The following GLIS3 variants were observed in gnomAD, a reference collection of about 807,000 sequenced individuals.
GLIS3 encodes GLIS family zinc finger 3, also known as zinc finger protein GLIS3.
GLIS3 carries 53 observed loss-of-function variants against 78.6 expected under a neutral mutation model. That is an observed-to-expected ratio of 0.67 (90% CI 0.54 to 0.85). The LOEUF is 0.85. GLIS3 is among the 40% of genes least tolerant of loss of function. The pLI is 0.00. For synonymous variants in GLIS3, 684 were observed against 509.9 expected, an observed-to-expected ratio of 1.34 and a Z score of -4.60; for missense variants, 1,703 against 1,231.1, an observed-to-expected ratio of 1.38 and a Z score of -5.74.
At chr9:4,197,013 C>G (rs1411104897) in intron 2 of GLIS3, among the ~76,000 whole-genome samples, 1 of 152,206 alleles carries the variant, frequency 6.6e-6, no homozygotes, top group East Asian at 1.9e-4. Context: ...CCACCTTTCA[C>G]GGACATAGAT....
intron 2 of GLIS3, among the ~76,000 whole-genome samples, chr9:4,238,823 G>A (rs1336379536): frequency 1.3e-5 from 2 of 151,970 alleles, no homozygotes; most frequent in Non-Finnish European, 2.9e-5. Context: ...CTTTCCCTGG[G>A]GTTAAGACTT....
At chr9:4,138,452 G>A (rs932553140) in intron 2 of GLIS3, among the ~76,000 whole-genome samples, 2 of 152,194 alleles carry the variant, frequency 1.3e-5, no homozygotes, top group Admixed American at 6.5e-5. Flanking sequence ...GAGCTCAAAT[G>A]AGGAAAAGAT....
intron 4 of GLIS3, among the ~76,000 whole-genome samples, chr9:4,101,428 G>C (rs570183335): frequency 6.6e-6 from 1 of 152,062 alleles, no homozygotes; most frequent in East Asian, 1.9e-4. Flanking sequence ...GAGCATAGTG[G>C]GATATTTATT....
chr9:4,080,260 T>C (rs1368312344), intron 4 of GLIS3, among the ~76,000 whole-genome samples: 3 of 152,216 alleles, frequency 2.0e-5, no homozygotes, highest in South Asian at 4.1e-4. Context: ...GCACCCACCA[T>C]GTCTCAGGTA....
chr9:4,385,721 GAGAAAGAAAGAAAGAAAA>G, the GLIS3 span, among the ~76,000 whole-genome samples: 1 of 49,390 alleles, frequency 2.0e-5, no homozygotes, highest in Non-Finnish European at 4.0e-5. Flanking sequence ...GAGAGAGAGA[GAGAAAGAAAGAAAGAAAA>G]AGAAAGAAAG....
intron 2 of GLIS3, among the ~76,000 whole-genome samples, chr9:4,171,361 C>G (rs1433657499): frequency 6.6e-6 from 1 of 152,106 alleles, no homozygotes; most frequent in East Asian, 1.9e-4. Context: ...GTAGATACTG[C>G]TTAGAGAGAG....
chr9:4,347,173 G>A (rs1209226318), exon 2 of GLIS3: 2 of 152,368 alleles, frequency 1.3e-5, no homozygotes, highest in Non-Finnish European at 2.9e-5. Context: ...AGAAGGTAAA[G>A]AGAAGCAGGC....
chr9:3,828,647 A>T (rs1196093722), intron 10 of GLIS3, among the ~76,000 whole-genome samples: 1 of 152,220 alleles, frequency 6.6e-6, no homozygotes, highest in African/African-American at 2.4e-5. Flanking sequence ...AAGTAAAAGA[A>T]AAGTGTTCTA....
chr9:3,996,183 G>A (rs1820733687), intron 4 of GLIS3, among the ~76,000 whole-genome samples: 1 of 151,980 alleles, frequency 6.6e-6, no homozygotes, highest in Non-Finnish European at 1.5e-5. Flanking sequence ...TCAAGAGCAA[G>A]AATGAAATAA....
the GLIS3 span, among the ~76,000 whole-genome samples, chr9:4,457,171 G>A: frequency 6.6e-6 from 1 of 151,890 alleles, no homozygotes; most frequent in South Asian, 2.1e-4. Flanking sequence ...GAGACCAGCT[G>A]AGGCAATATA....
At chr9:4,015,327 C>G (rs1398267770) in intron 4 of GLIS3, among the ~76,000 whole-genome samples, 1 of 152,158 alleles carries the variant, frequency 6.6e-6, no homozygotes, top group Non-Finnish European at 1.5e-5. Context: ...ACTGCCTTTC[C>G]TGGAAACGCA....
intron 2 of GLIS3, among the ~76,000 whole-genome samples, chr9:4,278,100 C>A (rs376008693): frequency 2.0e-5 from 3 of 152,102 alleles, no homozygotes; most frequent in African/African-American, 7.2e-5. Flanking sequence ...TTGTCGTAGA[C>A]AGAGCAAAAA....
intron 2 of GLIS3, among the ~76,000 whole-genome samples, chr9:4,319,459 G>A (rs1817488686): frequency 6.6e-6 from 1 of 152,138 alleles, no homozygotes; most frequent in Admixed American, 6.5e-5. Context: ...GTTTTTCTAA[G>A]AAATGATTTT....
intron 2 of GLIS3, among the ~76,000 whole-genome samples, chr9:4,132,469 T>C (rs1164720607): frequency 2.0e-5 from 3 of 152,190 alleles, no homozygotes; most frequent in Admixed American, 6.5e-5. Flanking sequence ...TTTATGTGTA[T>C]CCACTGGTTT....
intron 2 of GLIS3, among the ~76,000 whole-genome samples, chr9:4,280,752 C>G (rs1563889931): frequency 6.6e-6 from 1 of 151,904 alleles, no homozygotes; most frequent in African/African-American, 2.4e-5. Context: ...TTCCTCCTCA[C>G]TCTTCTCAGA....
At chr9:4,377,390 A>G in the GLIS3 span, among the ~76,000 whole-genome samples, 1 of 135,006 alleles carries the variant, frequency 7.4e-6, no homozygotes, top group African/African-American at 2.6e-5. Context: ...TGGCTTTTGG[A>G]ATCTTGGAGT....
the GLIS3 span, among the ~76,000 whole-genome samples, chr9:4,487,753 T>G: frequency 2.0e-5 from 3 of 151,972 alleles, no homozygotes; most frequent in Non-Finnish European, 2.9e-5. Flanking sequence ...AGTGGTACAA[T>G]TATAGCTCCC....
At chr9:3,892,876 C>G (rs186982381) in intron 7 of GLIS3, among the ~76,000 whole-genome samples, 1 of 152,162 alleles carries the variant, frequency 6.6e-6, no homozygotes. Flanking sequence ...TTAAGACCTG[C>G]TTCAGGTACA....
the GLIS3 span, among the ~76,000 whole-genome samples, chr9:4,353,959 C>A: frequency 6.6e-6 from 1 of 151,418 alleles, no homozygotes; most frequent in South Asian, 2.1e-4. Context: ...TACCCAGCAG[C>A]TGGGACTACA....
Sources: gnomAD v4.1 joint callset for allele counts (sites outside exome capture counted in the v4.1 genomes callset) on GRCh38, gnomAD v4.1.1 for gene constraint, MANE v1.5 for transcripts, NCBI Gene and HGNC (gene_info 2026-07-23, HGNC 2026-07-21) for gene names.